The following CCDC81 variants were observed in gnomAD, a reference collection of about 807,000 sequenced individuals.
CCDC81 encodes coiled-coil domain-containing protein 81.
Under a neutral mutation model 83.7 loss-of-function variants are expected in CCDC81, and 79 were observed. The ratio of observed to expected loss-of-function variants is 0.94; its 90% CI spans 0.79 to 1.14. The LOEUF is 1.14. Ranked by LOEUF, CCDC81 falls within the 50% of genes most tolerant of loss-of-function variation. The pLI, the probability that CCDC81 is intolerant of heterozygous loss-of-function variation, is 0.00. For missense variants in CCDC81, 791 were observed against 778.1 expected (o/e 1.02, Z -0.20); for synonymous variants, 252 against 278.1 (o/e 0.91, Z 0.93).
rs571350208 is a variant in CCDC81, at chr11:86,412,623, T to C, written c.1391+64T>C. 694 of 1,402,062 alleles carry C rather than the reference T, an allele frequency of 4.9e-4. 6 individuals are homozygous for C. The South Asian group carries it at 9.0e-3, about 18-fold the overall frequency. 86.9% of individuals were successfully genotyped at this position (1,402,062 alleles called of 1,614,324 possible). ...AATTTTCATGTGAAGTTACTTTTCA[T>C]GTAGGATTGAATCAGCATTGGTAGT... is the stretch of plus-strand genomic sequence containing the variant. On this transcript the variant is annotated intron_variant, in intron 11 of 14. Coordinates refer to ENST00000445632, the MANE Select transcript of CCDC81 (RefSeq NM_001156474.2).
At chr11:86,393,553 C>G (rs951895922) in intron 4 of CCDC81, among the ~76,000 whole-genome samples, 1 of 152,104 alleles carries the variant, frequency 6.6e-6, no homozygotes. Flanking sequence ...TTTGCTGGTT[C>G]TACTATTTTA....
chr11:86,422,447 G>GCAGCATA, intron 14 of CCDC81, 127 bp from the exon 15 acceptor site: 1 of 757,670 alleles, frequency 1.3e-6, no homozygotes, highest in Non-Finnish European at 2.1e-6. Context: ...GGGGTGAACT[G>GCAGCATA]CAGCATACAG....
At chr11:86,393,465 G>A (rs527456007) in intron 4 of CCDC81, among the ~76,000 whole-genome samples, 1 of 152,254 alleles carries the variant, frequency 6.6e-6, no homozygotes, top group African/African-American at 2.4e-5. Context: ...AGAAAAGTAG[G>A]GGCTCAGAGA....
At chr11:86,413,681 G>A (rs1251812181) in intron 11 of CCDC81, among the ~76,000 whole-genome samples, 1 of 152,082 alleles carries the variant, frequency 6.6e-6, no homozygotes, top group Non-Finnish European at 1.5e-5. Context: ...ATGAAGAAAG[G>A]GACTCGTCTT....
At position 86,414,885 on chromosome 11, in the gene CCDC81, T is replaced by C. The variant is rs758943007; in HGVS notation, c.1470+18T>C. 1.3e-6 allele frequency: 2 copies of C among 1,573,550 alleles called. No individual in the cohort carries two copies. The highest frequency in any genetic ancestry group is 1.4e-5 in the African/African-American group (1 of 72,654). ...ATGCACAGGTAAGGGGACAGACAAA[T>C]ATTATTTTTAAAATTATGCAATGCA... On this transcript the variant is annotated intron_variant, in intron 12 of 14. Coordinates refer to ENST00000445632, the MANE Select transcript of CCDC81 (RefSeq NM_001156474.2).
At chr11:86,403,004 A>G (rs1179513528) in intron 7 of CCDC81, among the ~76,000 whole-genome samples, 2 of 145,714 alleles carry the variant, frequency 1.4e-5, no homozygotes, top group East Asian at 3.9e-4. Context: ...CACACCAGCT[A>G]ATTTTTTGAT....
In CCDC81 at chr11:86,415,316, A is replaced by G; in HGVS notation, c.1691+3A>G. ...ATGCTTCAGAGGACACAAAGAGAGT[A>G]AGGAGACCCCTGATCTTTCTCCCTC... On this transcript the variant is annotated splice_donor_region_variant and intron_variant, in intron 13 of 14. Coordinates refer to ENST00000445632, the MANE Select transcript of CCDC81 (RefSeq NM_001156474.2). The G allele has an allele frequency of 6.2e-7, 1 of 1,610,396 alleles. No homozygotes were observed.
At chr11:86,400,564 T>C in intron 6 of CCDC81, 114 bp from the exon 7 acceptor site, 1 of 1,045,332 alleles carries the variant, frequency 9.6e-7, no homozygotes, top group Non-Finnish European at 1.4e-6. Context: ...AAGGGGTGAT[T>C]ATTTAAAGAT....
At chr11:86,391,492 G>C (rs1425866634) in intron 3 of CCDC81, among the ~76,000 whole-genome samples, 1 of 152,018 alleles carries the variant, frequency 6.6e-6, no homozygotes. Context: ...ACCTTGTATT[G>C]CTCCTACATC....
At chr11:86,408,851 G>T (rs964927099) in intron 9 of CCDC81, among the ~76,000 whole-genome samples, 1 of 152,082 alleles carries the variant, frequency 6.6e-6, no homozygotes, top group Non-Finnish European at 1.5e-5. Context: ...TTGGATTTAT[G>T]TTTCTTTATT....
At chr11:86,419,905 C>A (rs1168365256) in intron 13 of CCDC81, 23 bp from the exon 14 acceptor site, 2 of 1,598,698 alleles carry the variant, frequency 1.3e-6, no homozygotes, top group Non-Finnish European at 1.7e-6. Context: ...TATTATGGAG[C>A]CAGGCTGTTC....
At chr11:86,414,549 T>C (rs1334810214) in intron 11 of CCDC81, 6 of 417,710 alleles carry the variant, frequency 1.4e-5, no homozygotes, top group Non-Finnish European at 2.5e-5. Flanking sequence ...TCAAGTGATC[T>C]GCCCACTTCA....
rs138935700 is a variant in CCDC81 at position 86,412,984 on chromosome 11, T to C, written c.1391+425T>C. On this transcript the variant is annotated intron_variant, in intron 11 of 14. Coordinates refer to ENST00000445632, the MANE Select transcript of CCDC81 (RefSeq NM_001156474.2). ...TCACAAGGAGAGAGGGCTTTCTGTA[T>C]CCGAGGGTTCTTGCCTTGGTGTACC... Among the ~76,000 whole-genome samples the C allele has an allele frequency of 2.7e-3, 404 of 152,294 alleles. 2 individuals are homozygous for C. Among genetic ancestry groups the C allele is most frequent in the African/African-American group, 9.3e-3 (386 of 41,558 alleles).
intron 5 of CCDC81, 29 bp from the exon 6 acceptor site, chr11:86,397,592 A>G: frequency 6.3e-7 from 1 of 1,598,610 alleles, no homozygotes; most frequent in Non-Finnish European, 8.5e-7. Context: ...GGTTCAGTGC[A>G]GCAGAAAAAC....
At chr11:86,392,502 ACTTT>A in intron 3 of CCDC81, 35 bp from the exon 4 acceptor site, 1 of 1,542,200 alleles carries the variant, frequency 6.5e-7, no homozygotes, top group East Asian at 2.5e-5. Flanking sequence ...GGTAATCACC[ACTTT>A]CTTTCTCCCA....
Position 86,375,065 on chromosome 11 carries a change from G to A in CCDC81, c.-99G>A. The stretch of plus-strand genomic sequence containing the variant: ...TAAGGCACATCCAAAGCTCCGTGGA[G>A]AAGGGGCTGGAGGGTGGGAAAATTA... On this transcript the variant is annotated 5_prime_UTR_variant, in exon 1 of 15. Coordinates refer to ENST00000445632, the MANE Select transcript of CCDC81 (RefSeq NM_001156474.2). 9.8e-7 allele frequency: 1 copy of A among 1,021,834 alleles called. No individual in the cohort carries two copies. Among genetic ancestry groups the A allele is most frequent in the East Asian group, 2.4e-5 (1 of 42,236 alleles). The allele number at this position is 1,021,834 out of a possible 1,614,324, so 63.3% of individuals were successfully genotyped here.
At position 86,408,152 on chromosome 11, in the gene CCDC81, G is replaced by A. The variant is rs1243733848; in HGVS notation, c.995G>A (p.Arg332Gln). 2.5e-6 allele frequency: 4 copies of A among 1,613,254 alleles called. No homozygotes were observed. The highest frequency in any genetic ancestry group is 1.3e-5 in the African/African-American group (1 of 74,856). ...GAAATGTGCTATGTATGTTTGCAAC[G>A]AGCACAACGAAATTCCCTGTTGTAC... ...GQEMCYVCLQ[R>Q]AQRNSLLYYS... The change falls in exon 9 of 15, where the codon CGA becomes CAA. Residue 332 changes from arginine to glutamine, a missense_variant. Physicochemically the swap from Arg to Gln is conservative, Grantham distance 43. Transcript: ENST00000445632.
At chr11:86,400,109 C>T (rs112247065) in intron 6 of CCDC81, among the ~76,000 whole-genome samples, 2,117 of 138,964 alleles carry the variant, frequency 0.015, 44 homozygotes, top group African/African-American at 0.053. Context: ...CCAGCCTGGG[C>T]GACAGAGTCA....
intron 1 of CCDC81, among the ~76,000 whole-genome samples, chr11:86,381,631 CT>C (rs1381391080): frequency 2.0e-5 from 3 of 152,182 alleles, no homozygotes; most frequent in African/African-American, 4.8e-5. Context: ...TGGTATTTGC[CT>C]TTCTGTCTCT....
Sources: allele counts gnomAD v4.1 joint callset (sites outside exome capture counted in the v4.1 genomes callset), GRCh38; gene constraint gnomAD v4.1.1; transcripts MANE v1.5; gene names NCBI Gene and HGNC (gene_info 2026-07-23, HGNC 2026-07-21).